Variants in GRIN2A observed in about 807,000 individuals in gnomAD.
GRIN2A encodes glutamate receptor ionotropic, NMDA 2A.
GRIN2A carries 22 observed loss-of-function variants against 113.4 expected under a neutral mutation model. The observed-to-expected ratio is 0.19, with a 90% CI of 0.14 to 0.28. The LOEUF (loss-of-function observed/expected upper bound fraction) is 0.28. Ranked by LOEUF, GRIN2A falls within the 10% of genes least tolerant of loss-of-function variation. GRIN2A has a pLI of 1.00. For missense variants in GRIN2A, 1,502 were observed against 1,887.0 expected (o/e 0.80, Z 3.78); for synonymous variants, 827 against 738.4 (o/e 1.12, Z -1.94).
At chr16:9,840,896 TTGTC>T (rs755434306) in intron 6 of GRIN2A, 36 bp downstream of exon 6, 3 of 1,610,610 alleles carry the variant, frequency 1.9e-6, no homozygotes, top group South Asian at 2.2e-5. Context: ...TGCAGGCCCT[TTGTC>T]TGAGTAAGAG....
chr16:9,781,088 T>C (rs1190793754), intron 11 of GRIN2A, among the ~76,000 whole-genome samples: 1 of 151,950 alleles, frequency 6.6e-6, no homozygotes, highest in Middle Eastern at 3.2e-3. Flanking sequence ...TCTGCCTTTG[T>C]AGCACAAAAA....
chr16:10,130,902 G>C (rs902630185), intron 2 of GRIN2A, among the ~76,000 whole-genome samples: 3 of 152,178 alleles, frequency 2.0e-5, no homozygotes, highest in Non-Finnish European at 2.9e-5. Flanking sequence ...GCCAAACACA[G>C]ACTCATCTCT....
At chr16:10,057,071 T>C (rs979512882) in intron 2 of GRIN2A, among the ~76,000 whole-genome samples, 12 of 151,778 alleles carry the variant, frequency 7.9e-5, no homozygotes, top group Non-Finnish European at 1.2e-4. Flanking sequence ...CAATTCCCCA[T>C]TCATTCCATC....
At chr16:9,863,121 T>C (rs2043099550) in intron 4 of GRIN2A, among the ~76,000 whole-genome samples, 1 of 152,240 alleles carries the variant, frequency 6.6e-6, no homozygotes, top group Non-Finnish European at 1.5e-5. Context: ...GCAGGAGCTG[T>C]TACCACTGCC....
intron 3 of GRIN2A, among the ~76,000 whole-genome samples, chr16:9,919,459 G>T (rs1258309528): frequency 1.3e-5 from 2 of 152,256 alleles, no homozygotes; most frequent in East Asian, 1.9e-4. Flanking sequence ...GTAGTGAGAT[G>T]CATGGGATTA....
intron 2 of GRIN2A, among the ~76,000 whole-genome samples, chr16:9,959,455 G>A (rs1051762083): frequency 2.0e-5 from 3 of 152,168 alleles, no homozygotes; most frequent in Non-Finnish European, 2.9e-5. Context: ...TTATGGCACC[G>A]AGGTTTTGGA....
Position 9,838,318 on chromosome 16 carries a change from GTTA to G in GRIN2A, c.1651+2326_1651+2328del, listed in dbSNP as rs548236781. ...TGGGTATCTACCCAAAGGAAAAGAA[GTTA>G]TTATATCAAAAAGACACTTGCACAC... On this transcript the variant is annotated intron_variant, in intron 7 of 12. Transcript: ENST00000330684. Among the ~76,000 whole-genome samples, 327 of 152,242 alleles carry G rather than the reference GTTA, an allele frequency of 2.1e-3. 1 individual carries two copies. Among genetic ancestry groups the G allele is most frequent in the Admixed American group, 7.3e-3 (111 of 15,292 alleles).
chr16:9,947,236 T>G (rs2045040262), intron 2 of GRIN2A, among the ~76,000 whole-genome samples: 1 of 152,220 alleles, frequency 6.6e-6, no homozygotes, highest in South Asian at 2.1e-4. Context: ...TCTTCATCTT[T>G]CCTCATTGTT....
intron 2 of GRIN2A, among the ~76,000 whole-genome samples, chr16:10,097,260 C>T (rs1259638630): frequency 6.6e-6 from 1 of 152,110 alleles, no homozygotes; most frequent in Non-Finnish European, 1.5e-5. Flanking sequence ...GGCTGTGATG[C>T]CAAGTTGCTT....
At chr16:9,880,926 G>T (rs539125424) in intron 4 of GRIN2A, among the ~76,000 whole-genome samples, 1 of 152,264 alleles carries the variant, frequency 6.6e-6, no homozygotes, top group African/African-American at 2.4e-5. Flanking sequence ...GCAGTTACGA[G>T]CATCTCTTAG....
chr16:9,986,004 T>C (rs2045974027), intron 2 of GRIN2A, among the ~76,000 whole-genome samples: 1 of 152,162 alleles, frequency 6.6e-6, no homozygotes, highest in African/African-American at 2.4e-5. Context: ...ATAAAAAACA[T>C]TTTTAACTGA....
In GRIN2A at chr16:9,894,744, G is replaced by A. The variant is rs368400803; in HGVS notation, c.1008-3644C>T. ...TATTTTTAGCCCCGTCACATTGTCTGGCATACTGTGGGGGCTCAGTTAATG... is the reference window on the plus strand; with the variant it reads ...TATTTTTAGCCCCGTCACATTGTCTAGCATACTGTGGGGGCTCAGTTAATG... On this transcript the variant is annotated intron_variant, in intron 3 of 12. Coordinates refer to ENST00000330684, the MANE Select transcript of GRIN2A (RefSeq NM_001134407.3). Among the ~76,000 whole-genome samples, 5 of 152,192 alleles carry A rather than the reference G, an allele frequency of 3.3e-5. No homozygotes were observed. In the South Asian group the frequency reaches 1.0e-3, roughly 32 times the overall value.
At chr16:9,987,963 C>G (rs919419207) in intron 2 of GRIN2A, among the ~76,000 whole-genome samples, 5 of 152,182 alleles carry the variant, frequency 3.3e-5, no homozygotes, top group African/African-American at 1.2e-4. Context: ...TAGCATCATG[C>G]TCAGTGGTTT....
At chr16:9,842,866 G>C (rs940195942) in intron 5 of GRIN2A, among the ~76,000 whole-genome samples, 1 of 152,052 alleles carries the variant, frequency 6.6e-6, no homozygotes, top group African/African-American at 2.4e-5. Flanking sequence ...GGGAGGTAGA[G>C]GTTGCAGTGA....
rs143361655 is a variant in GRIN2A, at chr16:10,159,274, A to G, written c.414+20724T>C. ...CAACAGGAATACCATTGACAGAGAG[A>G]AGAAATCCAGAATAAGCATGAATCA... On this transcript the variant is annotated intron_variant, in intron 2 of 12. Transcript: ENST00000330684. 9.1e-3 allele frequency among the ~76,000 whole-genome samples: 1,385 copies of G among 152,276 alleles called. 22 individuals carry two copies. Among genetic ancestry groups the G allele is most frequent in the African/African-American group, 0.032 (1,320 of 41,542 alleles).
At chr16:10,097,842 A>G (rs560698378) in intron 2 of GRIN2A, among the ~76,000 whole-genome samples, 3 of 152,324 alleles carry the variant, frequency 2.0e-5, no homozygotes, top group African/African-American at 7.2e-5. Flanking sequence ...TAAAAATTCT[A>G]GAAGGTAACA....
At chr16:9,950,649 A>T (rs1363010457) in intron 2 of GRIN2A, among the ~76,000 whole-genome samples, 3 of 152,236 alleles carry the variant, frequency 2.0e-5, no homozygotes, top group Non-Finnish European at 4.4e-5. Context: ...TTGCAGGAGC[A>T]GAGTCCCAGC....
chr16:10,174,897 T>C (rs893114060), intron 2 of GRIN2A, among the ~76,000 whole-genome samples: 2 of 151,154 alleles, frequency 1.3e-5, no homozygotes, highest in Non-Finnish European at 2.9e-5. Flanking sequence ...CATATATATA[T>C]AGTACAGTCA....
chr16:9,954,288 A>T (rs2045255618), intron 2 of GRIN2A, among the ~76,000 whole-genome samples: 1 of 152,188 alleles, frequency 6.6e-6, no homozygotes, highest in African/African-American at 2.4e-5. Context: ...CGTAAAATCT[A>T]AGTGTGTCTT....
Sources: gnomAD v4.1 joint callset for allele counts (sites outside exome capture counted in the v4.1 genomes callset) on GRCh38, gnomAD v4.1.1 for gene constraint, MANE v1.5 for transcripts, NCBI Gene and HGNC (gene_info 2026-07-23, HGNC 2026-07-21) for gene names.